Variants in SNAP29 observed in about 807,000 individuals in gnomAD.
SNAP29 encodes synaptosomal-associated protein 29.
SNAP29 carries 13 observed loss-of-function variants against 27.9 expected under a neutral mutation model. The ratio of observed to expected loss-of-function variants is 0.47; its 90% confidence interval spans 0.30 to 0.74. The LOEUF (loss-of-function observed/expected upper bound fraction) is 0.74. SNAP29 is among the 30% of genes least tolerant of loss of function. SNAP29 has a pLI of 0.06. For synonymous variants in SNAP29, 119 were observed against 127.1 expected, an observed-to-expected ratio of 0.94 and a Z score of 0.43; for missense variants, 368 against 336.5, an observed-to-expected ratio of 1.09 and a Z score of -0.73.
intron 1 of SNAP29, among the ~76,000 whole-genome samples, chr22:20,868,850 A>G (rs1400332120): frequency 6.6e-6 from 1 of 152,180 alleles, no homozygotes; most frequent in African/African-American, 2.4e-5. Flanking sequence ...GATGTTGTGA[A>G]TGTATATCCA....
At chr22:20,863,137 C>T (rs1287608079) in intron 1 of SNAP29, among the ~76,000 whole-genome samples, 1 of 152,150 alleles carries the variant, frequency 6.6e-6, no homozygotes, top group African/African-American at 2.4e-5. Flanking sequence ...GATCTGCACA[C>T]CTTGGCCTCC....
chr22:20,875,297 GT>G (rs1928712395), intron 2 of SNAP29, among the ~76,000 whole-genome samples: 1 of 152,178 alleles, frequency 6.6e-6, no homozygotes, highest in East Asian at 1.9e-4. Flanking sequence ...CCAAAGTCAT[GT>G]ACCCTGCCTG....
Position 20,881,174 on chromosome 22 carries a change from G to T in SNAP29, c.520+40G>T, listed in dbSNP as rs546511260. The T allele has an allele frequency of 1.1e-4, 153 of 1,384,952 alleles. 3 individuals are homozygous for T. In the South Asian group the frequency reaches 1.3e-3, roughly 12 times the overall value. The allele number at this position is 1,384,952 out of a possible 1,614,324, so 85.8% of individuals were successfully genotyped here. A position where few individuals can be genotyped will look rare whatever the true frequency, so the allele number is the denominator to read the frequency against. On this transcript the variant is annotated intron_variant, in intron 3 of 4. Coordinates refer to ENST00000215730, the MANE Select transcript of SNAP29 (RefSeq NM_004782.4). Reference sequence around the variant, plus strand: ...GTGTGCACAGCCACATTTGAATTCTGGGGGGAGACCTCTAGGTTTGGCGTT... The same window carrying T: ...GTGTGCACAGCCACATTTGAATTCTTGGGGGAGACCTCTAGGTTTGGCGTT...
intron 1 of SNAP29, among the ~76,000 whole-genome samples, chr22:20,861,389 G>A (rs1928315860): frequency 6.6e-6 from 1 of 151,904 alleles, no homozygotes; most frequent in Admixed American, 6.6e-5. Flanking sequence ...GGGATTATAG[G>A]CGTGAGCCAC....
chr22:20,873,785 T>C (rs1024183457), intron 2 of SNAP29, among the ~76,000 whole-genome samples: 10 of 144,524 alleles, frequency 6.9e-5, no homozygotes, highest in Non-Finnish European at 1.4e-4. Flanking sequence ...CCAGCCAACA[T>C]GGTGAAACCC....
chr22:20,882,885 C>T (rs1162788772), intron 3 of SNAP29, among the ~76,000 whole-genome samples: 3 of 151,896 alleles, frequency 2.0e-5, no homozygotes, highest in East Asian at 1.9e-4. Context: ...AGGGCTTTTC[C>T]GTGTGCGTTT....
At chr22:20,885,276 G>A (rs1164296726) in intron 4 of SNAP29, among the ~76,000 whole-genome samples, 2 of 152,130 alleles carry the variant, frequency 1.3e-5, no homozygotes, top group Admixed American at 6.5e-5. Flanking sequence ...TTGGCAAAGT[G>A]TAGGGGACAA....
chr22:20,878,042 CCAT>C (rs1412667748), intron 2 of SNAP29, among the ~76,000 whole-genome samples: 2 of 152,200 alleles, frequency 1.3e-5, no homozygotes, highest in Non-Finnish European at 2.9e-5. Flanking sequence ...TGCATTCTAC[CCAT>C]AGCTGGAGCC....
intron 1 of SNAP29, among the ~76,000 whole-genome samples, chr22:20,861,118 G>T (rs370101165): frequency 0.033 from 3,965 of 121,800 alleles, 97 homozygotes; most frequent in Middle Eastern, 0.071. Flanking sequence ...CCTCCCTGTG[G>T]TTTTTTTTTT....
chr22:20,862,612 G>A (rs984632411), intron 1 of SNAP29, among the ~76,000 whole-genome samples: 12 of 152,170 alleles, frequency 7.9e-5, no homozygotes, highest in Admixed American at 3.9e-4. Context: ...CATGCCCCGT[G>A]CTGCCCCCAA....
chr22:20,864,302 C>A (rs1195089943), intron 1 of SNAP29, among the ~76,000 whole-genome samples: 1 of 152,164 alleles, frequency 6.6e-6, no homozygotes, highest in African/African-American at 2.4e-5. Context: ...TCAGCAGCCA[C>A]CGCCAGCACA....
intron 2 of SNAP29, among the ~76,000 whole-genome samples, chr22:20,877,573 G>A (rs150481896): frequency 0.019 from 2,862 of 151,786 alleles, 41 homozygotes; most frequent in Non-Finnish European, 0.03. Flanking sequence ...AAAATTAGCC[G>A]GGCGTAGTGG....
At chr22:20,872,627 C>G (rs980404670) in intron 2 of SNAP29, among the ~76,000 whole-genome samples, 1 of 151,962 alleles carries the variant, frequency 6.6e-6, no homozygotes, top group Non-Finnish European at 1.5e-5. Flanking sequence ...GTCTCGACCT[C>G]CTGACTTCGT....
intron 1 of SNAP29, among the ~76,000 whole-genome samples, chr22:20,859,856 C>T (rs1004200453): frequency 7.9e-5 from 12 of 152,156 alleles, no homozygotes; most frequent in Non-Finnish European, 1.5e-5. Flanking sequence ...GACATCTCCA[C>T]CTAACCAACC....
chr22:20,878,137 G>A (rs543094046), intron 2 of SNAP29, among the ~76,000 whole-genome samples: 1 of 152,330 alleles, frequency 6.6e-6, no homozygotes, highest in South Asian at 2.1e-4. Context: ...TAACTGAAGA[G>A]GTGCTTGCCA....
intron 1 of SNAP29, among the ~76,000 whole-genome samples, chr22:20,868,269 C>CT (rs888924973): frequency 9.2e-5 from 14 of 151,908 alleles, no homozygotes; most frequent in Admixed American, 1.3e-4. Context: ...CAGAAAACAT[C>CT]TTTTTTTTAC....
rs569328966 is a variant in SNAP29, at chr22:20,890,474, G to C, written c.*2638G>C. On this transcript the variant is annotated 3_prime_UTR_variant, in exon 5 of 5. Transcript: ENST00000215730. ...AAGTGTGCTACTAACTTAAAAAATA[G>C]TGGCTGGGCGCGGTGGCTCATGCCT... The C allele has an allele frequency of 5.0e-6, 2 of 396,124 alleles. No homozygotes were observed. The highest frequency in any genetic ancestry group is 4.4e-5 in the Admixed American group (1 of 22,636). The allele number at this position is 396,124 out of a possible 1,614,324, so 24.5% of individuals were successfully genotyped here. A position where few individuals can be genotyped will look rare whatever the true frequency, so the allele number is the denominator to read the frequency against.
intron 1 of SNAP29, among the ~76,000 whole-genome samples, chr22:20,863,185 A>C (rs1311151587): frequency 6.6e-6 from 1 of 151,962 alleles, no homozygotes; most frequent in Non-Finnish European, 1.5e-5. Flanking sequence ...TCTTTGAATC[A>C]CTCTAATCAC....
chr22:20,866,636 A>G (rs1928466076), intron 1 of SNAP29, among the ~76,000 whole-genome samples: 1 of 152,132 alleles, frequency 6.6e-6, no homozygotes, highest in South Asian at 2.1e-4. Context: ...CCTTAGTGAC[A>G]TCCTGTGGGT....
Sources: allele counts gnomAD v4.1 joint callset (sites outside exome capture counted in the v4.1 genomes callset), GRCh38; gene constraint gnomAD v4.1.1; transcripts MANE v1.5; gene names NCBI Gene and HGNC (gene_info 2026-07-23, HGNC 2026-07-21).